ARL17B: variants seen among roughly 807,000 people sequenced by gnomAD.
ARL17B encodes the protein ADP-ribosylation factor-like protein 17.
chr17:46,277,637 T>TCTTCC (rs1555610946), intron 4 of ARL17B, among the ~76,000 whole-genome samples: 1,621 of 149,826 alleles, frequency 0.011, no homozygotes, highest in Admixed American at 0.022. Flanking sequence ...TTTTCTTTTC[T>TCTTCC]TTTCTTTCTT....
At chr17:46,276,142 C>T (rs1218555823) in intron 4 of ARL17B, among the ~76,000 whole-genome samples, 4 of 152,316 alleles carry the variant, frequency 2.6e-5, no homozygotes, top group East Asian at 1.9e-4. Flanking sequence ...CCGCCCGCCT[C>T]GGCCTCCCAA....
At chr17:46,352,238 AAAAT>A (rs2052777895) in intron 3 of ARL17B, among the ~76,000 whole-genome samples, 2 of 122,526 alleles carry the variant, frequency 1.6e-5, no homozygotes, top group Admixed American at 8.7e-5. Context: ...TCCGTCTCAA[AAAAT>A]AAATAAATAA....
intron 3 of ARL17B, chr17:46,310,357 A>G (rs2050727944): frequency 8.0e-6 from 1 of 124,534 alleles, no homozygotes; most frequent in African/African-American, 2.7e-5. Context: ...AACCACTTAC[A>G]AGCTTTGCAA....
chr17:46,278,091 C>A (rs548475675), intron 4 of ARL17B, among the ~76,000 whole-genome samples: 26 of 152,210 alleles, frequency 1.7e-4, no homozygotes, highest in African/African-American at 6.0e-4. Flanking sequence ...GACTTACAGG[C>A]GTGCACCACC....
chr17:46,288,246 A>C (rs1268034537), intron 4 of ARL17B, among the ~76,000 whole-genome samples: 2 of 149,456 alleles, frequency 1.3e-5, no homozygotes, highest in African/African-American at 5.0e-5. Context: ...GGCTCACATG[A>C]TCCTCCCACC....
At chr17:46,286,540 T>C (rs2049918347) in intron 4 of ARL17B, among the ~76,000 whole-genome samples, 1 of 152,244 alleles carries the variant, frequency 6.6e-6, no homozygotes, top group African/African-American at 2.4e-5. Flanking sequence ...TTAATTTCTA[T>C]GTTACATATT....
rs531257027 is a variant in ARL17B at position 46,311,355 on chromosome 17, C to T, written c.260-11690G>A. The T allele has an allele frequency of 1.8e-3, 550 of 309,758 alleles. 1 individual carries two copies. The South Asian group carries it at 0.02, about 11-fold the overall frequency. The allele number at this position is 309,758 out of a possible 1,614,324, so 19.2% of individuals were successfully genotyped here. On this transcript the variant is annotated intron_variant, in intron 3 of 4. Transcript: ENST00000434041. ...AGTGGGTGAGGGTCTAGGTCATCTGCTTATTTCTTTGACTACCTTCTTCCA... is the reference window on the plus strand; with the variant it reads ...AGTGGGTGAGGGTCTAGGTCATCTGTTTATTTCTTTGACTACCTTCTTCCA...
chr17:46,332,723 A>T, downstream of ARL17B: 1 of 611,054 alleles, frequency 1.6e-6, no homozygotes, highest in Non-Finnish European at 2.7e-6. Flanking sequence ...CAGAGCTCAC[A>T]AACTGAAAAC....
At chr17:46,312,417 AG>A (rs2050843856) in intron 3 of ARL17B, among the ~76,000 whole-genome samples, 1 of 65,086 alleles carries the variant, frequency 1.5e-5, no homozygotes. Flanking sequence ...TTTGGAGGAA[AG>A]ATAACAAACT....
intron 4 of ARL17B, among the ~76,000 whole-genome samples, chr17:46,275,978 C>A (rs56026531): frequency 0.12 from 18,484 of 152,052 alleles, 1 homozygote; most frequent in Non-Finnish European, 0.18. Flanking sequence ...GCAACCTCTG[C>A]CTCCCAGATT....
chr17:46,275,098 G>T, exon 5 of ARL17B: 1 of 213,374 alleles, frequency 4.7e-6, no homozygotes, highest in Admixed American at 5.9e-5. Context: ...CTCCATATTG[G>T]TCAGGCTGGT....
At chr17:46,291,335 G>A (rs1475124665) in intron 4 of ARL17B, among the ~76,000 whole-genome samples, 1 of 152,098 alleles carries the variant, frequency 6.6e-6, no homozygotes, top group Non-Finnish European at 1.5e-5. Context: ...GCTTAAATAA[G>A]TTACAACAAT....
downstream of ARL17B, chr17:46,331,300 G>A (rs776521338): frequency 1.0e-5 from 13 of 1,269,612 alleles, 5 homozygotes; most frequent in East Asian, 3.2e-4. Context: ...TCGCAAACAG[G>A]CTTCCATTCT....
In ARL17B at chr17:46,339,413, G is replaced by C; in HGVS notation, c.*87C>G. On this transcript the variant is annotated 3_prime_UTR_variant, in exon 4 of 4. Transcript: ENST00000450673. The stretch of plus-strand genomic sequence containing the variant: ...CTCTAGATATTTCAAACAAAAAAGG[G>C]TTGTATATAGGCAATTAGTGCTTAT... The C allele has an allele frequency of 3.7e-6, 1 of 273,292 alleles. No individual in the cohort carries two copies. Among genetic ancestry groups the C allele is most frequent in the South Asian group, 5.0e-5 (1 of 20,030 alleles). The allele number at this position is 273,292 out of a possible 1,614,324, so 16.9% of individuals were successfully genotyped here.
At chr17:46,277,637 T>TTTTCTTTTC (rs1555610945) in intron 4 of ARL17B, among the ~76,000 whole-genome samples, 88 of 150,354 alleles carry the variant, frequency 5.9e-4, no homozygotes, top group African/African-American at 1.0e-3. Context: ...TTTTCTTTTC[T>TTTTCTTTTC]TTTCTTTCTT....
At chr17:46,343,270 AAGT>A (rs1172022659) in intron 3 of ARL17B, among the ~76,000 whole-genome samples, 2 of 113,266 alleles carry the variant, frequency 1.8e-5, no homozygotes, top group African/African-American at 8.0e-5. Flanking sequence ...AGGCTAATAA[AAGT>A]AGAGGCATGA....
chr17:46,280,657 T>C (rs1046380299), intron 4 of ARL17B, among the ~76,000 whole-genome samples: 1 of 142,278 alleles, frequency 7.0e-6, no homozygotes, highest in African/African-American at 2.6e-5. Flanking sequence ...CATTGCAGCC[T>C]CTGCCTCCCT....
intron 4 of ARL17B, among the ~76,000 whole-genome samples, chr17:46,276,092 T>C (rs536708033): frequency 4.6e-5 from 7 of 152,344 alleles, no homozygotes; most frequent in Non-Finnish European, 8.8e-5. Flanking sequence ...GGTTTCACCA[T>C]GTTGGCCAGG....
At chr17:46,283,666 C>T (rs1234758847) in intron 4 of ARL17B, among the ~76,000 whole-genome samples, 2 of 152,028 alleles carry the variant, frequency 1.3e-5, no homozygotes, top group African/African-American at 4.8e-5. Context: ...TTAAGTGGAA[C>T]GAGAGACTTG....
Sources: allele counts gnomAD v4.1 joint callset (sites outside exome capture counted in the v4.1 genomes callset), GRCh38; gene constraint gnomAD v4.1.1; transcripts MANE v1.5; gene names NCBI Gene and HGNC (gene_info 2026-07-23, HGNC 2026-07-21).